APPBP2: variants seen among roughly 807,000 people sequenced by gnomAD.
The protein encoded by APPBP2 is amyloid protein-binding protein 2.
A neutral mutation model predicts 76.0 loss-of-function variants in APPBP2; 15 were observed. The observed-to-expected ratio is 0.20, with a 90% CI of 0.13 to 0.30. The LOEUF (loss-of-function observed/expected upper bound fraction) is 0.30, where lower values mean the gene tolerates loss of function less well. Ranked by LOEUF, APPBP2 falls within the 10% of genes least tolerant of loss-of-function variation. The pLI is 1.00. For synonymous variants in APPBP2, 222 were observed against 242.2 expected (o/e 0.92, Z 0.77); for missense variants, 401 against 687.2 (o/e 0.58, Z 4.66).
At chr17:60,505,199 C>T (rs1008132032) in intron 1 of APPBP2, among the ~76,000 whole-genome samples, 1 of 152,178 alleles carries the variant, frequency 6.6e-6, no homozygotes, top group Non-Finnish European at 1.5e-5. Flanking sequence ...CTCTTGTCTC[C>T]CTCAAAATTA....
intron 6 of APPBP2, among the ~76,000 whole-genome samples, chr17:60,463,534 C>T (rs547418743): frequency 1.3e-5 from 2 of 151,964 alleles, no homozygotes; most frequent in African/African-American, 2.4e-5. Flanking sequence ...AATAAGAAAA[C>T]ACTAGAGAAA....
chr17:60,506,393 C>A (rs1031462694), intron 1 of APPBP2, among the ~76,000 whole-genome samples: 1 of 152,156 alleles, frequency 6.6e-6, no homozygotes, highest in African/African-American at 2.4e-5. Flanking sequence ...ATAACTTTTG[C>A]ACACATATGC....
intron 5 of APPBP2, among the ~76,000 whole-genome samples, chr17:60,464,477 T>C (rs998296706): frequency 6.6e-6 from 1 of 152,218 alleles, no homozygotes; most frequent in African/African-American, 2.4e-5. Context: ...TGTTTTCCTA[T>C]ACATTCCATC....
chr17:60,446,667 T>G lies in APPBP2; in HGVS notation c.*914A>C, dbSNP rs2090349671. The G allele has an allele frequency of 6.6e-6, 1 of 152,240 alleles. No individual in the cohort carries two copies. 9.4% of individuals were successfully genotyped at this position (152,240 alleles called of 1,614,324 possible). A position where few individuals can be genotyped will look rare whatever the true frequency, so the allele number is the denominator to read the frequency against. On this transcript the variant is annotated 3_prime_UTR_variant, in exon 13 of 13. Transcript: ENST00000083182. ...GACTTGCTTATGGCACTGCCATCTG[T>G]GTACCTTGACTAAAAATATGCCATT...
At chr17:60,485,695 C>G (rs542942389) in intron 3 of APPBP2, among the ~76,000 whole-genome samples, 1 of 152,242 alleles carries the variant, frequency 6.6e-6, no homozygotes, top group South Asian at 2.1e-4. Context: ...GTGTCTCTAT[C>G]TCCTTCAGTT....
intron 1 of APPBP2, among the ~76,000 whole-genome samples, chr17:60,525,012 G>T (rs1193375409): frequency 6.6e-6 from 1 of 152,212 alleles, no homozygotes; most frequent in Non-Finnish European, 1.5e-5. Flanking sequence ...GAAACTCCTT[G>T]GAGAGTGGCT....
chr17:60,456,461 T>A, intron 9 of APPBP2, 80 bp from the exon 10 acceptor site: 1 of 896,312 alleles, frequency 1.1e-6, no homozygotes. Context: ...CAATCTGTAA[T>A]ATAATATTGA....
chr17:60,485,090 C>T (rs1171462196), intron 3 of APPBP2, among the ~76,000 whole-genome samples: 1 of 152,070 alleles, frequency 6.6e-6, no homozygotes, highest in East Asian at 1.9e-4. Context: ...TTTTGATGTG[C>T]TGCTGGATTC....
intron 2 of APPBP2, among the ~76,000 whole-genome samples, chr17:60,494,964 A>G (rs957075019): frequency 6.7e-6 from 1 of 150,082 alleles, no homozygotes; most frequent in Non-Finnish European, 1.5e-5. Context: ...AAGATAGAAG[A>G]GTTTTTTTTG....
At chr17:60,473,219 C>T (rs1301257224) in intron 4 of APPBP2, among the ~76,000 whole-genome samples, 4 of 152,172 alleles carry the variant, frequency 2.6e-5, no homozygotes, top group Non-Finnish European at 5.9e-5. Context: ...CATATTCACA[C>T]CACCCTAGTT....
chr17:60,505,622 C>T (rs943980763), intron 1 of APPBP2, among the ~76,000 whole-genome samples: 5 of 141,056 alleles, frequency 3.5e-5, no homozygotes, highest in African/African-American at 8.2e-5. Context: ...GCCCATAATC[C>T]AAAATCTTTA....
chr17:60,515,055 C>A (rs1266892281), intron 1 of APPBP2, among the ~76,000 whole-genome samples: 1 of 151,030 alleles, frequency 6.6e-6, no homozygotes, highest in South Asian at 2.1e-4. Context: ...CCACCCACCT[C>A]GGCCTCCCAA....
In APPBP2 at chr17:60,461,919, T is replaced by C; in HGVS notation, c.831-4A>G. ...GTGTTTGGATCCAAAATGATCCCTA[T>C]AAAAAGACACAAAATTATTAGGATA... On this transcript the variant is annotated splice_polypyrimidine_tract_variant and splice_region_variant and intron_variant, in intron 7 of 12. Coordinates refer to ENST00000083182, the MANE Select transcript of APPBP2 (RefSeq NM_006380.5). 3.7e-6 allele frequency: 6 copies of C among 1,611,220 alleles called. No individual in the cohort carries two copies. The highest frequency in any genetic ancestry group is 4.5e-5 in the East Asian group (2 of 44,768).
In APPBP2 at chr17:60,447,948, C is replaced by T. The variant is rs73990448; in HGVS notation, c.1505-114G>A. ...TTAAACAGGGTGGCTTAGGTTTATT[C>T]CCCTGAAAGGAATAGATATAATTCT... On this transcript the variant is annotated intron_variant, in intron 12 of 12. Coordinates refer to ENST00000083182, the MANE Select transcript of APPBP2 (RefSeq NM_006380.5). 3.8e-3 allele frequency: 3,569 copies of T among 939,028 alleles called. 75 individuals carry two copies. In the African/African-American group the frequency reaches 0.051, roughly 13 times the overall value. The allele number at this position is 939,028 out of a possible 1,614,324, so 58.2% of individuals were successfully genotyped here.
chr17:60,516,110 C>G (rs1221508389), intron 1 of APPBP2, among the ~76,000 whole-genome samples: 1 of 151,722 alleles, frequency 6.6e-6, no homozygotes, highest in African/African-American at 2.4e-5. Context: ...TTGCAGTGAG[C>G]AGAGATCATG....
At chr17:60,495,967 T>C (rs2090772726) in intron 2 of APPBP2, among the ~76,000 whole-genome samples, 1 of 152,150 alleles carries the variant, frequency 6.6e-6, no homozygotes, top group Non-Finnish European at 1.5e-5. Context: ...AAAAGGAAAG[T>C]AGTACTGATG....
chr17:60,507,571 T>C (rs1191275912), intron 1 of APPBP2, among the ~76,000 whole-genome samples: 1 of 152,146 alleles, frequency 6.6e-6, no homozygotes, highest in Admixed American at 6.6e-5. Flanking sequence ...TTAATTACTT[T>C]GGATGGAACT....
chr17:60,510,062 A>G (rs897466676), intron 1 of APPBP2, among the ~76,000 whole-genome samples: 1 of 152,184 alleles, frequency 6.6e-6, no homozygotes. Flanking sequence ...AACAAACATG[A>G]GTTATCGTCA....
chr17:60,462,238 C>G lies in APPBP2; in HGVS notation c.763-177G>C. 3 of 603,712 alleles carry G rather than the reference C, an allele frequency of 5.0e-6. No homozygotes were observed. The South Asian group carries it at 6.5e-5, about 13-fold the overall frequency. 37.4% of individuals were successfully genotyped at this position (603,712 alleles called of 1,614,324 possible). ...AAGTACTTAAAAATTCTATTATAAACAGATCTGTATATAAGCTGGGAAAAT... is the reference window on the plus strand; with the variant it reads ...AAGTACTTAAAAATTCTATTATAAAGAGATCTGTATATAAGCTGGGAAAAT... On this transcript the variant is annotated intron_variant, in intron 6 of 12. Coordinates refer to ENST00000083182, the MANE Select transcript of APPBP2 (RefSeq NM_006380.5).
Sources: allele counts gnomAD v4.1 joint callset (sites outside exome capture counted in the v4.1 genomes callset), GRCh38; gene constraint gnomAD v4.1.1; transcripts MANE v1.5; gene names NCBI Gene and HGNC (gene_info 2026-07-23, HGNC 2026-07-21).